The following MFSD12 variants were observed in gnomAD, a reference collection of about 807,000 sequenced individuals.
MFSD12 encodes the protein major facilitator superfamily domain-containing protein 12.
MFSD12 carries 67 observed loss-of-function variants against 51.2 expected under a neutral mutation model. The ratio of observed to expected loss-of-function variants is 1.31; its 90% CI spans 1.08 to 1.60. The LOEUF is 1.60. Ranked by LOEUF, MFSD12 falls within the 40% of genes most tolerant of loss-of-function variation. MFSD12 has a pLI of 0.00. For missense variants in MFSD12, 921 were observed against 673.0 expected (o/e 1.37, Z -4.08); for synonymous variants, 441 against 316.7 (o/e 1.39, Z -4.17).
intron 1 of MFSD12, among the ~76,000 whole-genome samples, chr19:3,553,763 G>C (rs111723087): frequency 0.1 from 13,066 of 128,056 alleles, 694 homozygotes; most frequent in South Asian, 0.22. Context: ...ACAATGAAAA[G>C]AAATGAAACA....
At chr19:3,542,392 G>C, downstream of MFSD12, 1 of 985,314 alleles carries the variant, frequency 1.0e-6, no homozygotes, top group Non-Finnish European at 1.2e-6. Context: ...ACTGTCTTGG[G>C]GCCAGCAACC....
In MFSD12 at chr19:3,557,182, C is replaced by T. The variant is rs969705334; in HGVS notation, c.222G>A (p.Pro74=). Reference sequence around the variant, plus strand: ...CGCGGTCGGCCTCGTAGCCCACGAGCGGTGTGCACAGCCCGTCGGCCACCT... The same window carrying T: ...CGCGGTCGGCCTCGTAGCCCACGAGTGGTGTGCACAGCCCGTCGGCCACCT... ...LGQVADGLCT[P]LVGYEADRAA... Residue 74 remains proline, a synonymous_variant, in exon 1 of 10, where the codon CCG becomes CCA. Transcript: ENST00000355415. 1 of 1,548,606 alleles carries T rather than the reference C, an allele frequency of 6.5e-7. No individual in the cohort carries two copies. The highest frequency in any genetic ancestry group is 8.7e-7 in the Non-Finnish European group (1 of 1,150,220).
exon 5 of MFSD12, chr19:3,538,550 T>G (rs1026862279): frequency 9.4e-5 from 37 of 392,416 alleles, no homozygotes; most frequent in Admixed American, 6.8e-4. Flanking sequence ...CCCTTCTGTG[T>G]CTGGTGTCTC....
downstream of MFSD12, chr19:3,539,254 T>A: frequency 6.5e-7 from 1 of 1,548,286 alleles, no homozygotes; most frequent in Non-Finnish European, 8.7e-7. Context: ...CCAGCACCGC[T>A]GTACAGGTGA....
rs2031766133 is a variant in MFSD12, at chr19:3,557,121, C to T, written c.283G>A (p.Ala95Thr). 6.7e-7 allele frequency: 1 copy of T among 1,499,682 alleles called. No homozygotes were observed. The highest frequency in any genetic ancestry group is 8.9e-7 in the Non-Finnish European group (1 of 1,127,780). The allele number at this position is 1,499,682 out of a possible 1,614,324, so 92.9% of individuals were successfully genotyped here. Reference protein sequence around the residue: ...SCCARYGPRKAWHLVGTVCVL... With the variant: ...SCCARYGPRKTWHLVGTVCVL... ...GGACGCTTACCGACCAGGTGCCAGG[C>T]CTTGCGCGGGCCGTAGCGGGCGCAG... Residue 95 changes from alanine (A) to threonine (T), a missense_variant, in exon 1 of 10, where the codon GCC becomes ACC. Transcript: ENST00000355415.
chr19:3,538,942 G>C, intron 4 of MFSD12: 1 of 646,788 alleles, frequency 1.5e-6, no homozygotes, highest in Non-Finnish European at 2.8e-6. Context: ...ATAGAGCTGG[G>C]GGCTCAGGGC....
At position 3,557,562 on chromosome 19, in the gene MFSD12, G is replaced by GCGTCCGCCC. The variant is rs2145234302; in HGVS notation, c.-168_-160dup. 1 of 301,740 alleles carries GCGTCCGCCC rather than the reference G, an allele frequency of 3.3e-6. No individual in the cohort carries two copies. Among genetic ancestry groups the GCGTCCGCCC allele is most frequent in the African/African-American group, 2.2e-5 (1 of 45,062 alleles). The allele number at this position is 301,740 out of a possible 1,614,324, so 18.7% of individuals were successfully genotyped here. A position where few individuals can be genotyped will look rare whatever the true frequency, so the allele number is the denominator to read the frequency against. ...GGCCGCGCCCTCACCCACGTCCGCC[G>GCGTCCGCCC]CGTCCGCCCCACGCTCGACTCTGCA... On this transcript the variant is annotated 5_prime_UTR_variant, in exon 1 of 10. Coordinates refer to ENST00000355415, the MANE Select transcript of MFSD12 (RefSeq NM_174983.5).
chr19:3,543,486 C>CT (rs1568250238), downstream of MFSD12: 9 of 1,518,246 alleles, frequency 5.9e-6, no homozygotes, highest in Non-Finnish European at 8.8e-7. Flanking sequence ...GAGTGCCCCC[C>CT]CCCCCGCCCT....
intron 2 of MFSD12, 149 bp from the exon 3 acceptor site, chr19:3,548,416 C>T (rs905651381): frequency 2.6e-5 from 27 of 1,051,038 alleles, no homozygotes; most frequent in Middle Eastern, 3.0e-4. Context: ...CCAGGAAGCC[C>T]GTGCTGGCCT....
At chr19:3,544,997 A>G in intron 8 of MFSD12, 58 bp from the exon 9 acceptor site, 4 of 1,535,128 alleles carry the variant, frequency 2.6e-6, no homozygotes, top group South Asian at 1.2e-5. Context: ...CCGCCACCCA[A>G]GCTGAACCTG....
Position 3,557,390 on chromosome 19 carries a change from G to T in MFSD12, c.14C>A (p.Pro5His), listed in dbSNP as rs545660485. Reference sequence around the variant, plus strand: ...GGACGGCGCCGCTCCGGCCGCTGGGGGTCCCGGGCCCATCGCGGCGCCGGG... The same window carrying T: ...GGACGGCGCCGCTCCGGCCGCTGGGTGTCCCGGGCCCATCGCGGCGCCGGG... MGPG[P>H]PAAGAAPSPR... The change falls in exon 1 of 10, where the codon CCC becomes CAC. Residue 5 changes from proline to histidine, a missense_variant. Coordinates refer to ENST00000355415, the MANE Select transcript of MFSD12 (RefSeq NM_174983.5). 12 of 1,331,376 alleles carry T rather than the reference G, an allele frequency of 9.0e-6. No homozygotes were observed. In the South Asian group the frequency reaches 2.6e-4, roughly 29 times the overall value. 82.5% of individuals were successfully genotyped at this position (1,331,376 alleles called of 1,614,324 possible).
downstream of MFSD12, chr19:3,541,559 G>T (rs1301043381): frequency 1.6e-6 from 1 of 607,144 alleles, no homozygotes; most frequent in Admixed American, 6.3e-5. Flanking sequence ...CTGACCTCAT[G>T]ATCCGCCTGC....
At chr19:3,538,601 C>T (rs983633869) in exon 5 of MFSD12, 17 of 436,302 alleles carry the variant, frequency 3.9e-5, no homozygotes, top group African/African-American at 2.4e-4. Context: ...CGCACTGTGG[C>T]CTGGGTCAGA....
chr19:3,543,063 C>T, downstream of MFSD12: 1 of 1,597,362 alleles, frequency 6.3e-7, no homozygotes, highest in South Asian at 1.1e-5. Flanking sequence ...TCCTCAAGCA[C>T]CCACTCTGGG....
At chr19:3,539,521 T>C (rs1293687514), downstream of MFSD12, 1 of 496,668 alleles carries the variant, frequency 2.0e-6, no homozygotes. Context: ...ACTGGGAGCT[T>C]CGGCCACAGA....
chr19:3,557,273 A>G lies in MFSD12; in HGVS notation c.131T>C (p.Leu44Pro). The change falls in exon 1 of 10, where the codon CTG becomes CCG. Residue 44 changes from leucine (L) to proline (P), a missense_variant. Coordinates refer to ENST00000355415, the MANE Select transcript of MFSD12 (RefSeq NM_174983.5). ...LCASMWFTYL[L>P]LYLHSVRAYS... ...GGCGCGCACCGAGTGCAGGTAGAGC[A>G]GCAGGTAGGTGAACCACATGGACGC... is the stretch of plus-strand genomic sequence containing the variant. The G allele has an allele frequency of 6.3e-7, 1 of 1,598,150 alleles. No individual in the cohort carries two copies. Among genetic ancestry groups the G allele is most frequent in the Non-Finnish European group, 8.5e-7 (1 of 1,173,778 alleles).
Position 3,548,024 on chromosome 19 carries a change from A to G in MFSD12, c.661T>C (p.Ser221Pro). The change falls in exon 4 of 10, where the codon TCC (serine) becomes CCC (proline). Residue 221 changes from serine to proline, a missense_variant. Coordinates refer to ENST00000355415, the MANE Select transcript of MFSD12 (RefSeq NM_174983.5). ...GQDVPVFRNLSLLVVGVGAVF... is the reference protein window; with the variant it reads ...GQDVPVFRNLPLLVVGVGAVF... ...GCGCCGACACCCACCACCAGCAGGG[A>G]CAGGTTCTGGGGATGCAGCAGAAGC... 1 of 1,599,668 alleles carries G rather than the reference A, an allele frequency of 6.3e-7. No individual in the cohort carries two copies. Among genetic ancestry groups the G allele is most frequent in the Non-Finnish European group, 8.5e-7 (1 of 1,179,408 alleles).
chr19:3,543,401 G>C, downstream of MFSD12: 6 of 1,548,232 alleles, frequency 3.9e-6, no homozygotes, highest in Admixed American at 2.0e-5. Context: ...ACGGGCCCCG[G>C]CCAGCCCCTT....
chr19:3,544,958 G>C lies in MFSD12; in HGVS notation c.1290-19C>G, dbSNP rs749186018. On this transcript the variant is annotated intron_variant, in intron 8 of 9. Coordinates refer to ENST00000355415, the MANE Select transcript of MFSD12 (RefSeq NM_174983.5). ...CTCTGAGCTGTGGGAGGAGGCGGGG[G>C]ATGAGTAGGCACCGCGGGTACCACC... The C allele has an allele frequency of 3.8e-6, 6 of 1,595,580 alleles. No individual in the cohort carries two copies. In the Middle Eastern group the frequency reaches 5.2e-4, roughly 138 times the overall value.
Sources: allele counts gnomAD v4.1 joint callset (sites outside exome capture counted in the v4.1 genomes callset), GRCh38; gene constraint gnomAD v4.1.1; transcripts MANE v1.5; gene names NCBI Gene and HGNC (gene_info 2026-07-23, HGNC 2026-07-21).